ZCCHC7: variants seen among roughly 807,000 people sequenced by gnomAD.
ZCCHC7 encodes zinc finger CCHC-type containing 7.
In ZCCHC7, 35 loss-of-function variants were observed where a neutral mutation model predicts 52.0. The ratio of observed to expected loss-of-function variants is 0.67; its 90% CI spans 0.51 to 0.89. The LOEUF is 0.89. Ranked by LOEUF, ZCCHC7 falls within the 40% of genes least tolerant of loss-of-function variation. The pLI is 0.00. For missense variants in ZCCHC7, 574 were observed against 649.1 expected, an observed-to-expected ratio of 0.88 and a Z score of 1.26; for synonymous variants, 217 against 221.5, an observed-to-expected ratio of 0.98 and a Z score of 0.18.
chr9:37,147,232 G>T (rs1176740991), intron 2 of ZCCHC7: 1 of 151,920 alleles, frequency 6.6e-6, no homozygotes, highest in Non-Finnish European at 1.5e-5. Context: ...AACAGTTGAA[G>T]GGAAGTTTAG....
At chr9:37,229,324 A>G (rs1825284660) in intron 2 of ZCCHC7, among the ~76,000 whole-genome samples, 1 of 152,088 alleles carries the variant, frequency 6.6e-6, no homozygotes, top group Admixed American at 6.6e-5. Context: ...TTTTTACAGT[A>G]TAGTCATATG....
chr9:37,285,808 A>G (rs981832456), intron 2 of ZCCHC7, among the ~76,000 whole-genome samples: 19 of 152,232 alleles, frequency 1.2e-4, no homozygotes, highest in Middle Eastern at 3.2e-3. Flanking sequence ...AGCACTTACT[A>G]TGTGACAAAC....
intron 7 of ZCCHC7, among the ~76,000 whole-genome samples, chr9:37,351,618 T>G (rs1044729138): frequency 6.6e-6 from 1 of 152,210 alleles, no homozygotes; most frequent in Non-Finnish European, 1.5e-5. Flanking sequence ...AGAAGACTTC[T>G]TTTACAGAAT....
chr9:37,192,136 A>C (rs1463420916), intron 2 of ZCCHC7, among the ~76,000 whole-genome samples: 7 of 152,226 alleles, frequency 4.6e-5, no homozygotes, highest in African/African-American at 1.2e-4. Context: ...GACCAGTATT[A>C]AGAGTCAGAA....
intron 2 of ZCCHC7, among the ~76,000 whole-genome samples, chr9:37,228,891 A>G (rs1825257680): frequency 6.8e-6 from 1 of 146,714 alleles, no homozygotes; most frequent in Non-Finnish European, 1.5e-5. Flanking sequence ...GCTAAAGTGC[A>G]GTGGCGCAAT....
intron 5 of ZCCHC7, among the ~76,000 whole-genome samples, chr9:37,323,338 G>A (rs1234566113): frequency 6.6e-6 from 1 of 152,142 alleles, no homozygotes; most frequent in Non-Finnish European, 1.5e-5. Flanking sequence ...ACTTAAGTTA[G>A]GAGGAGAATA....
At chr9:37,253,034 T>G (rs887246817) in intron 2 of ZCCHC7, among the ~76,000 whole-genome samples, 8 of 152,246 alleles carry the variant, frequency 5.3e-5, no homozygotes, top group Admixed American at 3.9e-4. Context: ...TGAGTCATTT[T>G]CATTTAAAAC....
intron 2 of ZCCHC7, among the ~76,000 whole-genome samples, chr9:37,139,497 G>A (rs181703088): frequency 6.6e-6 from 1 of 152,074 alleles, no homozygotes; most frequent in African/African-American, 2.4e-5. Context: ...GATTCTAAAT[G>A]TAATAATTAT....
intron 3 of ZCCHC7, among the ~76,000 whole-genome samples, chr9:37,303,616 A>C (rs1382936835): frequency 7.2e-6 from 1 of 139,760 alleles, no homozygotes; most frequent in East Asian, 2.1e-4. Flanking sequence ...AAAGCAGTAG[A>C]GTTACCTTTA....
intron 2 of ZCCHC7, among the ~76,000 whole-genome samples, chr9:37,300,963 A>G (rs1218943820): frequency 2.6e-5 from 4 of 152,156 alleles, no homozygotes; most frequent in Admixed American, 2.6e-4. Context: ...TTTTAGATTA[A>G]TCAGTGGTTT....
At chr9:37,245,111 G>C (rs1025711527) in intron 2 of ZCCHC7, among the ~76,000 whole-genome samples, 1 of 151,878 alleles carries the variant, frequency 6.6e-6, no homozygotes, top group African/African-American at 2.4e-5. Context: ...ATGTATGTCA[G>C]ATTCTGAGTG....
At chr9:37,178,673 A>C (rs1226772375) in intron 2 of ZCCHC7, among the ~76,000 whole-genome samples, 1 of 152,208 alleles carries the variant, frequency 6.6e-6, no homozygotes, top group East Asian at 1.9e-4. Flanking sequence ...TACAAAGTTC[A>C]GGTGTTGTAG....
At chr9:37,183,342 G>C (rs917540114) in intron 2 of ZCCHC7, among the ~76,000 whole-genome samples, 2 of 152,160 alleles carry the variant, frequency 1.3e-5, no homozygotes. Flanking sequence ...AATCAATCCA[G>C]TGTGAAATAT....
At chr9:37,257,555 A>G (rs1399981734) in intron 2 of ZCCHC7, among the ~76,000 whole-genome samples, 1 of 152,214 alleles carries the variant, frequency 6.6e-6, no homozygotes, top group African/African-American at 2.4e-5. Context: ...TTCGGAAAAT[A>G]GATTTTTCAT....
At chr9:37,251,542 G>A (rs905784609) in intron 2 of ZCCHC7, among the ~76,000 whole-genome samples, 1 of 152,086 alleles carries the variant, frequency 6.6e-6, no homozygotes, top group African/African-American at 2.4e-5. Context: ...CCTTTCTTGG[G>A]GGCAGTTAGT....
intron 5 of ZCCHC7, among the ~76,000 whole-genome samples, chr9:37,318,743 T>C (rs1032355327): frequency 3.4e-4 from 51 of 151,768 alleles, no homozygotes; most frequent in African/African-American, 1.1e-3. Context: ...TGAAACCCTG[T>C]CTCTCCTAAA....
intron 1 of ZCCHC7, among the ~76,000 whole-genome samples, 191 bp from the exon 2 acceptor site, chr9:37,126,121 G>A (rs1216493951): frequency 1.3e-5 from 2 of 152,148 alleles, no homozygotes; most frequent in Non-Finnish European, 2.9e-5. Flanking sequence ...TTCTCGTTGG[G>A]GAGTGGTGGG....
intron 2 of ZCCHC7, among the ~76,000 whole-genome samples, chr9:37,255,196 T>TAGC (rs1826527207): frequency 6.6e-6 from 1 of 152,082 alleles, no homozygotes; most frequent in African/African-American, 2.4e-5. Flanking sequence ...TATAACAGTA[T>TAGC]AGCATAATGT....
intron 2 of ZCCHC7, among the ~76,000 whole-genome samples, chr9:37,190,395 A>G (rs867767123): frequency 1.3e-5 from 2 of 152,206 alleles, no homozygotes; most frequent in Non-Finnish European, 2.9e-5. Context: ...CTCTTTGTCT[A>G]TCCCTGAGTG....
Sources: allele counts gnomAD v4.1 joint callset (sites outside exome capture counted in the v4.1 genomes callset), GRCh38; gene constraint gnomAD v4.1.1; transcripts MANE v1.5; gene names NCBI Gene and HGNC (gene_info 2026-07-23, HGNC 2026-07-21).